Variants in GLRX5 observed in about 807,000 individuals in gnomAD.
GLRX5 encodes the protein glutaredoxin-related protein 5, mitochondrial.
A neutral mutation model predicts 13.8 loss-of-function variants in GLRX5; 10 were observed. The observed-to-expected ratio is 0.72, with a 90% CI of 0.45 to 1.23. GLRX5 has a LOEUF of 1.23. Among genes scored for constraint, GLRX5 ranks in the 50% most tolerant of loss-of-function variants. The pLI is 0.00. For synonymous variants in GLRX5, 98 were observed against 101.1 expected (o/e 0.97, Z 0.18); for missense variants, 233 against 215.2 (o/e 1.08, Z -0.52).
chr14:95,543,913 AT>A, intron 1 of GLRX5, 33 bp from the exon 2 acceptor site: 1 of 1,581,982 alleles, frequency 6.3e-7, no homozygotes, highest in Non-Finnish European at 8.7e-7. Flanking sequence ...AGCTTTTACC[AT>A]TTAAATAACA....
rs1891519045 is a variant in GLRX5 at position 95,544,132 on chromosome 14, C to G, written c.*7C>G. The G allele has an allele frequency of 6.2e-7, 1 of 1,611,322 alleles. No homozygotes were observed. On this transcript the variant is annotated 3_prime_UTR_variant, in exon 2 of 2. Coordinates refer to ENST00000331334, the MANE Select transcript of GLRX5 (RefSeq NM_016417.3). ...AGACCAAGACTCCAAGTGAGGGCGG[C>G]CAAGTCCTCGCTGAGCAGAGAGGGA...
chr14:95,538,701 T>G (rs1240432351), intron 1 of GLRX5, among the ~76,000 whole-genome samples: 1 of 152,232 alleles, frequency 6.6e-6, no homozygotes, highest in East Asian at 1.9e-4. Context: ...CTTACCCTAG[T>G]AAAGGGCCAG....
intron 1 of GLRX5, 83 bp downstream of exon 1, chr14:95,535,467 G>C (rs958569593): frequency 1.4e-5 from 19 of 1,348,674 alleles, no homozygotes; most frequent in Non-Finnish European, 1.9e-5. Flanking sequence ...CCGCCGCGCC[G>C]GGCTGGGGAG....
At chr14:95,538,547 A>G (rs1030587698) in intron 1 of GLRX5, among the ~76,000 whole-genome samples, 2 of 152,240 alleles carry the variant, frequency 1.3e-5, no homozygotes, top group African/African-American at 2.4e-5. Context: ...TGTGGTGCAC[A>G]TGTATGCTGC....
chr14:95,542,908 T>G, intron 1 of GLRX5: 1 of 393,562 alleles, frequency 2.5e-6, no homozygotes, highest in Non-Finnish European at 5.2e-6. Flanking sequence ...TGAAGAGGAA[T>G]GTTAAGAGTA....
chr14:95,542,163 A>C (rs982112715), intron 1 of GLRX5, among the ~76,000 whole-genome samples: 11 of 152,276 alleles, frequency 7.2e-5, no homozygotes, highest in African/African-American at 2.7e-4. Flanking sequence ...AAGAAAGTAA[A>C]AAAACACACA....
rs1227392183 is a variant in GLRX5, at chr14:95,535,077, C to G, written c.-13C>G. The G allele has an allele frequency of 1.5e-6, 2 of 1,338,056 alleles. No individual in the cohort carries two copies. The highest frequency in any genetic ancestry group is 3.1e-5 in the African/African-American group (2 of 64,938). The allele number at this position is 1,338,056 out of a possible 1,614,324, so 82.9% of individuals were successfully genotyped here. A position where few individuals can be genotyped will look rare whatever the true frequency, so the allele number is the denominator to read the frequency against. Reference sequence around the variant, plus strand: ...GGGCCCGGGCCGTCGTGGGCTCCGGCTTGCGTGCGGAGATGAGCGGGTCCC... The same window carrying G: ...GGGCCCGGGCCGTCGTGGGCTCCGGGTTGCGTGCGGAGATGAGCGGGTCCC... On this transcript the variant is annotated 5_prime_UTR_variant, in exon 1 of 2. Coordinates refer to ENST00000331334, the MANE Select transcript of GLRX5 (RefSeq NM_016417.3).
intron 1 of GLRX5, among the ~76,000 whole-genome samples, chr14:95,541,314 C>A (rs1342478289): frequency 6.6e-6 from 1 of 152,142 alleles, no homozygotes; most frequent in African/African-American, 2.4e-5. Context: ...GAAGAGTAGT[C>A]TTTTATTATT....
At chr14:95,543,903 A>C (rs745704029) in intron 1 of GLRX5, 44 bp from the exon 2 acceptor site, 5 of 1,535,256 alleles carry the variant, frequency 3.3e-6, no homozygotes, top group Non-Finnish European at 3.6e-6. Flanking sequence ...TGAATGGTTC[A>C]GCTTTTACCA....
In GLRX5 at chr14:95,535,403, G is replaced by A. The variant is rs1011980126; in HGVS notation, c.295+19G>A. 5 of 1,543,440 alleles carry A rather than the reference G, an allele frequency of 3.2e-6. No homozygotes were observed. In the South Asian group the frequency reaches 6.0e-5, roughly 18 times the overall value. ...CGACAAGGTCAGGCCAGTGTGCCGGGCAGGCGCCCTCCGCCCCGGGCCCAG... is the reference window on the plus strand; with the variant it reads ...CGACAAGGTCAGGCCAGTGTGCCGGACAGGCGCCCTCCGCCCCGGGCCCAG... On this transcript the variant is annotated intron_variant, in intron 1 of 1. Coordinates refer to ENST00000331334, the MANE Select transcript of GLRX5 (RefSeq NM_016417.3).
intron 1 of GLRX5, 99 bp from the exon 2 acceptor site, chr14:95,543,848 A>C (rs1024381171): frequency 1.2e-5 from 12 of 1,008,272 alleles, no homozygotes; most frequent in Non-Finnish European, 1.9e-5. Flanking sequence ...AGGGAGGGAC[A>C]GTGGGTTGTC....
At chr14:95,536,589 T>C (rs955873918) in intron 1 of GLRX5, among the ~76,000 whole-genome samples, 7 of 152,202 alleles carry the variant, frequency 4.6e-5, no homozygotes, top group Non-Finnish European at 7.3e-5. Flanking sequence ...GTGTAAAACT[T>C]AAGTCACTCA....
intron 1 of GLRX5, among the ~76,000 whole-genome samples, chr14:95,535,785 T>C (rs1023523506): frequency 1.3e-5 from 2 of 152,192 alleles, no homozygotes; most frequent in Non-Finnish European, 2.9e-5. Flanking sequence ...ATAGGTACTT[T>C]CGCGGACACT....
chr14:95,538,097 GTT>G (rs10531529), intron 1 of GLRX5, among the ~76,000 whole-genome samples: 87,210 of 151,212 alleles, frequency 0.58, 25,187 homozygotes, highest in South Asian at 0.67. Flanking sequence ...GTTCCTAACA[GTT>G]TTTTTTTTTT....
intron 1 of GLRX5, among the ~76,000 whole-genome samples, chr14:95,541,448 G>A (rs1202544095): frequency 6.6e-6 from 1 of 152,188 alleles, no homozygotes; most frequent in South Asian, 2.1e-4. Context: ...CCAACGTTTG[G>A]CCTTGATGCC....
At chr14:95,542,647 C>T (rs539918545) in intron 1 of GLRX5, among the ~76,000 whole-genome samples, 3 of 152,240 alleles carry the variant, frequency 2.0e-5, no homozygotes, top group Non-Finnish European at 2.9e-5. Context: ...ACATAAAAAT[C>T]GATTTGTGTA....
chr14:95,541,433 G>A (rs1423616361), intron 1 of GLRX5, among the ~76,000 whole-genome samples: 3 of 152,222 alleles, frequency 2.0e-5, no homozygotes, highest in Non-Finnish European at 4.4e-5. Context: ...TCATTAAGAA[G>A]GGTGCCAACG....
chr14:95,535,649 T>G (rs1237105656), intron 1 of GLRX5, among the ~76,000 whole-genome samples: 1 of 152,228 alleles, frequency 6.6e-6, no homozygotes, highest in Non-Finnish European at 1.5e-5. Context: ...AAAGGTTCAC[T>G]TATCCTCACT....
intron 1 of GLRX5, chr14:95,543,465 C>T (rs191527859): frequency 3.2e-6 from 1 of 317,082 alleles, no homozygotes; most frequent in African/African-American, 2.2e-5. Context: ...CCATGAATTA[C>T]CGTGATGGAT....
Sources: gnomAD v4.1 joint callset for allele counts (sites outside exome capture counted in the v4.1 genomes callset) on GRCh38, gnomAD v4.1.1 for gene constraint, MANE v1.5 for transcripts, NCBI Gene and HGNC (gene_info 2026-07-23, HGNC 2026-07-21) for gene names.